RBMS3: variants seen among roughly 807,000 people sequenced by gnomAD.
RBMS3 encodes the protein RNA binding motif single stranded interacting protein 3, also known as RNA-binding motif, single-stranded-interacting protein 3.
A neutral mutation model predicts 66.8 loss-of-function variants in RBMS3; 27 were observed. The ratio of observed to expected loss-of-function variants is 0.40; its 90% CI spans 0.30 to 0.56. The LOEUF is 0.56. Ranked by LOEUF, RBMS3 falls within the 20% of genes least tolerant of loss-of-function variation. The pLI is 0.40. For missense variants in RBMS3, 513 were observed against 549.5 expected (o/e 0.93, Z 0.66); for synonymous variants, 188 against 183.0 (o/e 1.03, Z -0.22).
At chr3:29,395,770 G>A (rs1175674849) in intron 1 of RBMS3, among the ~76,000 whole-genome samples, 7 of 152,238 alleles carry the variant, frequency 4.6e-5, no homozygotes, top group Admixed American at 3.9e-4. Context: ...TTCAGAGAAG[G>A]TCAGTGACTT....
chr3:29,999,673 C>G (rs565850316), intron 14 of RBMS3, among the ~76,000 whole-genome samples: 2 of 151,964 alleles, frequency 1.3e-5, no homozygotes, highest in South Asian at 4.1e-4. Flanking sequence ...AAACCAAATA[C>G]TGCATGTTCT....
chr3:29,676,784 T>C (rs564648486), intron 4 of RBMS3, among the ~76,000 whole-genome samples: 1 of 152,318 alleles, frequency 6.6e-6, no homozygotes, highest in East Asian at 1.9e-4. Flanking sequence ...GATGATAACT[T>C]TACTGGGTGT....
In RBMS3 at chr3:29,892,975, T is replaced by G. The variant is rs1389876991; in HGVS notation, c.792-4404T>G. ...ATTCTGCAGTTCCCTCCTTGGAGTC[T>G]GGCCTTGTGTATTTTCTTTAGATAG... is the stretch of plus-strand genomic sequence containing the variant. On this transcript the variant is annotated intron_variant, in intron 8 of 14. Coordinates refer to ENST00000383767, the MANE Select transcript of RBMS3 (RefSeq NM_001003793.3). Among the ~76,000 whole-genome samples, 5 of 151,414 alleles carry G rather than the reference T, an allele frequency of 3.3e-5. No individual in the cohort carries two copies. The South Asian group carries it at 1.0e-3, about 31-fold the overall frequency.
At chr3:29,583,516 T>G (rs2047403605) in intron 3 of RBMS3, among the ~76,000 whole-genome samples, 1 of 152,180 alleles carries the variant, frequency 6.6e-6, no homozygotes, top group African/African-American at 2.4e-5. Context: ...TTATTAAGCA[T>G]AGGCTAGATG....
At chr3:29,599,432 G>GA (rs555497058) in intron 4 of RBMS3, among the ~76,000 whole-genome samples, 97 of 150,476 alleles carry the variant, frequency 6.4e-4, no homozygotes, top group African/African-American at 2.2e-3. Context: ...AAAGAAAATA[G>GA]AAAAAAAAGT....
At chr3:29,628,785 A>T (rs1344525855) in intron 4 of RBMS3, among the ~76,000 whole-genome samples, 1 of 152,148 alleles carries the variant, frequency 6.6e-6, no homozygotes, top group Non-Finnish European at 1.5e-5. Context: ...ATAGATTTTT[A>T]AAAATCTTTT....
chr3:29,984,118 C>CT (rs1698200325), intron 12 of RBMS3, among the ~76,000 whole-genome samples: 1 of 151,994 alleles, frequency 6.6e-6, no homozygotes, highest in South Asian at 2.1e-4. Flanking sequence ...CTTTTTCATT[C>CT]TTTTTTCTCT....
chr3:29,381,797 G>A (rs1357491781), intron 1 of RBMS3, among the ~76,000 whole-genome samples: 2 of 152,174 alleles, frequency 1.3e-5, no homozygotes, highest in African/African-American at 4.8e-5. Context: ...GAAGTGCTGA[G>A]TTCATTTTTG....
At chr3:29,819,064 G>C (rs1436165629) in intron 6 of RBMS3, among the ~76,000 whole-genome samples, 2 of 152,134 alleles carry the variant, frequency 1.3e-5, no homozygotes, top group African/African-American at 2.4e-5. Context: ...AGATAAAAAA[G>C]ATGTCAGGGA....
intron 4 of RBMS3, among the ~76,000 whole-genome samples, chr3:29,719,353 C>T (rs7636906): frequency 0.36 from 54,547 of 151,694 alleles, 9,867 homozygotes; most frequent in East Asian, 0.43. Flanking sequence ...TCTTTTCTTA[C>T]CTTGGTTATC....
At chr3:29,326,763 G>A (rs1002833052) in intron 1 of RBMS3, among the ~76,000 whole-genome samples, 11 of 146,542 alleles carry the variant, frequency 7.5e-5, no homozygotes, top group Admixed American at 2.8e-4. Flanking sequence ...ACAGAGTCTC[G>A]CTGTGTCGCC....
chr3:29,655,219 T>C (rs1559541289), intron 4 of RBMS3, among the ~76,000 whole-genome samples: 1 of 152,212 alleles, frequency 6.6e-6, no homozygotes, highest in African/African-American at 2.4e-5. Context: ...TTGTGAATAC[T>C]AAGTGGCATT....
intron 4 of RBMS3, among the ~76,000 whole-genome samples, chr3:29,655,212 T>C (rs1201904166): frequency 6.6e-6 from 1 of 152,206 alleles, no homozygotes; most frequent in African/African-American, 2.4e-5. Flanking sequence ...CAATGGCTTG[T>C]GAATACTAAG....
intron 1 of RBMS3, among the ~76,000 whole-genome samples, chr3:29,351,472 T>C (rs1328953488): frequency 6.6e-6 from 1 of 152,126 alleles, no homozygotes; most frequent in Non-Finnish European, 1.5e-5. Flanking sequence ...AAAAACACAA[T>C]CTCTTAATTT....
intron 4 of RBMS3, among the ~76,000 whole-genome samples, chr3:29,703,951 T>C (rs1331108336): frequency 1.3e-5 from 2 of 152,156 alleles, no homozygotes; most frequent in Non-Finnish European, 2.9e-5. Flanking sequence ...TTGATTCTCA[T>C]AGGAGCATGA....
chr3:29,828,066 A>ATGTGTGTG (rs971969000), intron 6 of RBMS3, among the ~76,000 whole-genome samples: 1 of 150,980 alleles, frequency 6.6e-6, no homozygotes, highest in Non-Finnish European at 1.5e-5. Context: ...GTGTGTGTGT[A>ATGTGTGTG]TGTGTGTGTG....
At chr3:29,465,634 A>C (rs1257763865) in intron 2 of RBMS3, among the ~76,000 whole-genome samples, 2 of 151,510 alleles carry the variant, frequency 1.3e-5, no homozygotes, top group African/African-American at 4.9e-5. Context: ...TGGTATCTAT[A>C]TACTGAAAAA....
intron 6 of RBMS3, among the ~76,000 whole-genome samples, chr3:29,801,213 A>T (rs543298552): frequency 6.6e-6 from 1 of 151,014 alleles, no homozygotes; most frequent in African/African-American, 2.4e-5. Context: ...TTACTAGGAG[A>T]CTCCATTGTG....
chr3:29,729,379 G>A (rs995933040), intron 4 of RBMS3, among the ~76,000 whole-genome samples: 2 of 152,036 alleles, frequency 1.3e-5, no homozygotes, highest in Non-Finnish European at 2.9e-5. Flanking sequence ...TCTTAATCCT[G>A]TCTATCATTG....
Sources: allele counts gnomAD v4.1 joint callset (sites outside exome capture counted in the v4.1 genomes callset), GRCh38; gene constraint gnomAD v4.1.1; transcripts MANE v1.5; gene names NCBI Gene and HGNC (gene_info 2026-07-23, HGNC 2026-07-21).